IGFL3: variants seen among roughly 807,000 people sequenced by gnomAD.
IGFL3 encodes insulin growth factor-like family member 3.
A neutral mutation model predicts 17.0 loss-of-function variants in IGFL3; 12 were observed. That is an observed-to-expected ratio of 0.71 (90% CI 0.45 to 1.14). The LOEUF (loss-of-function observed/expected upper bound fraction) is 1.14. IGFL3 is among the 50% of genes most tolerant of loss of function. The pLI is 0.00. For synonymous variants in IGFL3, 52 were observed against 57.4 expected (o/e 0.91, Z 0.42); for missense variants, 153 against 151.6 (o/e 1.01, Z -0.05).
At chr19:46,123,434 A>C (rs1971892850) in intron 3 of IGFL3, among the ~76,000 whole-genome samples, 1 of 151,184 alleles carries the variant, frequency 6.6e-6, no homozygotes, top group Non-Finnish European at 1.5e-5. Flanking sequence ...TAAAGTAAGG[A>C]AAAAATTATA....
At position 46,122,913 on chromosome 19, in the gene IGFL3, T is replaced by A. The variant is rs1971854349; in HGVS notation, c.350+973A>T. ...AAAATGTAATCTTCCAAGGGTTTGT[T>A]TAGCTCACTATCCAGACTGCTAGGG... On this transcript the variant is annotated intron_variant, in intron 3 of 3. Coordinates refer to ENST00000341415, the MANE Select transcript of IGFL3 (RefSeq NM_207393.2). Among the ~76,000 whole-genome samples the A allele has an allele frequency of 1.3e-5, 2 of 150,776 alleles. 1 individual carries two copies. The highest frequency in any genetic ancestry group is 2.9e-5 in the Non-Finnish European group (2 of 67,936).
At position 46,120,371 on chromosome 19, in the gene IGFL3, C is replaced by G. The variant is rs761494871; in HGVS notation, c.351-14G>C. ...TGCCTCCTGTTCCTATCACAGTGCC[C>G]CAAATCAAAGTGTCTTAACAACATA... On this transcript the variant is annotated splice_polypyrimidine_tract_variant and intron_variant, in intron 3 of 3. Transcript: ENST00000341415. 1 of 1,610,552 alleles carries G rather than the reference C, an allele frequency of 6.2e-7. No homozygotes were observed. The highest frequency in any genetic ancestry group is 1.7e-5 in the Admixed American group (1 of 59,558).
At chr19:46,124,178 G>A in intron 2 of IGFL3, 22 bp from the exon 3 acceptor site, 3 of 1,610,282 alleles carry the variant, frequency 1.9e-6, no homozygotes, top group Non-Finnish European at 2.5e-6. Context: ...CATTGATGGT[G>A]TACATCCAAG....
Position 46,124,378 on chromosome 19 carries a change from A to AAAAC in IGFL3, c.26-61_26-58dup, listed in dbSNP as rs552018028. ...AGCTGAGAATGTGACAAGTATGGAA[A>AAAAC]AAACAAACAAACAAACAAACAGAGG... On this transcript the variant is annotated intron_variant, in intron 1 of 3. Transcript: ENST00000341415. The AAAAC allele has an allele frequency of 4.4e-4, 666 of 1,525,146 alleles. 25 individuals carry two copies. The highest frequency in any genetic ancestry group is 4.1e-3 in the African/African-American group (295 of 71,284). 94.5% of individuals were successfully genotyped at this position (1,525,146 alleles called of 1,614,324 possible).
intron 3 of IGFL3, among the ~76,000 whole-genome samples, chr19:46,122,465 A>C (rs1158125431): frequency 1.3e-5 from 2 of 151,016 alleles, no homozygotes; most frequent in Admixed American, 1.3e-4. Flanking sequence ...ACAGATAATA[A>C]ATGTTAATAA....
intron 3 of IGFL3, among the ~76,000 whole-genome samples, chr19:46,120,690 A>G (rs1971711882): frequency 6.6e-6 from 1 of 151,188 alleles, no homozygotes; most frequent in Non-Finnish European, 1.5e-5. Context: ...AGTTTGGGAT[A>G]TGAATGAGAA....
chr19:46,120,357 C>A lies in IGFL3; in HGVS notation c.351G>T (p.Arg117Ser). 2.5e-6 allele frequency: 4 copies of A among 1,611,002 alleles called. No homozygotes were observed. Among genetic ancestry groups the A allele is most frequent in the Non-Finnish European group, 2.5e-6 (3 of 1,179,562 alleles). ...HLSPISRSCTRNRRHVLYP is the reference protein window; with the variant it reads ...HLSPISRSCTSNRRHVLYP ...ATGGGTACAGGACGTGCCTCCTGTT[C>A]CTATCACAGTGCCCCAAATCAAAGT... Residue 117 changes from arginine (R) to serine (S), a missense_variant and splice_region_variant, in exon 4 of 4, where the codon AGG becomes AGT. Coordinates refer to ENST00000341415, the MANE Select transcript of IGFL3 (RefSeq NM_207393.2).
Position 46,123,947 on chromosome 19 carries a change from A to G in IGFL3, c.289T>C (p.Leu97=), listed in dbSNP as rs779081670. The G allele has an allele frequency of 1.9e-6, 3 of 1,611,476 alleles. No homozygotes were observed. The highest frequency in any genetic ancestry group is 2.5e-6 in the Non-Finnish European group (3 of 1,179,654). ...FGPQQKFLVK[L]RVLGMKSQCH... ...TGAGACTTCATACCCAGAACCCTCA[A>G]CTTCACAAGAAACTTCTGCTGGGGG... Residue 97 remains leucine, a synonymous_variant, in exon 3 of 4, where the codon TTG becomes CTG. Coordinates refer to ENST00000341415, the MANE Select transcript of IGFL3 (RefSeq NM_207393.2).
At chr19:46,121,394 GAAA>G (rs113082923) in intron 3 of IGFL3, among the ~76,000 whole-genome samples, 3 of 124,424 alleles carry the variant, frequency 2.4e-5, no homozygotes, top group South Asian at 2.7e-4. Context: ...ATCCTGTCTT[GAAA>G]AAAAAAAAAA....
intron 3 of IGFL3, among the ~76,000 whole-genome samples, chr19:46,122,831 A>G (rs1473831978): frequency 6.0e-5 from 9 of 150,852 alleles, no homozygotes. Context: ...GTAAGATTGT[A>G]AAGGTGGGAG....
Position 46,124,620 on chromosome 19 carries a change from C to A in IGFL3, c.25+5G>T. 3.7e-6 allele frequency: 6 copies of A among 1,608,034 alleles called. No homozygotes were observed. The highest frequency in any genetic ancestry group is 5.1e-6 in the Non-Finnish European group (6 of 1,176,852). ...GATGATGTTTGGATTTGGGGTCCTA[C>A]TTGCCCAAGATGCAGCATCGTGGCC... is the stretch of plus-strand genomic sequence containing the variant. On this transcript the variant is annotated splice_donor_5th_base_variant and intron_variant, in intron 1 of 3. Coordinates refer to ENST00000341415, the MANE Select transcript of IGFL3 (RefSeq NM_207393.2).
intron 2 of IGFL3, 46 bp from the exon 3 acceptor site, chr19:46,124,202 T>A: frequency 6.2e-7 from 1 of 1,609,542 alleles, no homozygotes; most frequent in Non-Finnish European, 8.5e-7. Context: ...GAACAGATAC[T>A]CAATTCCCAG....
At chr19:46,121,702 T>C (rs1971783058) in intron 3 of IGFL3, among the ~76,000 whole-genome samples, 1 of 150,844 alleles carries the variant, frequency 6.6e-6, no homozygotes, top group Non-Finnish European at 1.5e-5. Context: ...AAGGCAGATT[T>C]TTTAGAAAAT....
At chr19:46,123,035 C>T (rs1485603549) in intron 3 of IGFL3, among the ~76,000 whole-genome samples, 1 of 150,962 alleles carries the variant, frequency 6.6e-6, no homozygotes, top group Non-Finnish European at 1.5e-5. Context: ...ATGACCTCAA[C>T]TTGAAACATT....
intron 3 of IGFL3, among the ~76,000 whole-genome samples, chr19:46,121,509 AGAG>A (rs1971767600): frequency 6.6e-6 from 1 of 150,500 alleles, no homozygotes; most frequent in Non-Finnish European, 1.5e-5. Flanking sequence ...CAGCCCACTG[AGAG>A]GAGTAGTATT....
rs758214864 is a variant in IGFL3, at chr19:46,124,631, T to C, written c.19A>G (p.Ile7Val). 7 of 1,609,218 alleles carry C rather than the reference T, an allele frequency of 4.3e-6. No individual in the cohort carries two copies. The East Asian group carries it at 1.1e-4, about 26-fold the overall frequency. MRPRCC[I>V]LALVCWITVF... Reference sequence around the variant, plus strand: ...GATTTGGGGTCCTACTTGCCCAAGATGCAGCATCGTGGCCTCATGCTTCCA... The same window carrying C: ...GATTTGGGGTCCTACTTGCCCAAGACGCAGCATCGTGGCCTCATGCTTCCA... The change falls in exon 1 of 4, where the codon ATC becomes GTC. Residue 7 changes from isoleucine (I) to valine (V), a missense_variant. Physicochemically the swap from Ile to Val is conservative, Grantham distance 29. Transcript: ENST00000341415.
intron 3 of IGFL3, among the ~76,000 whole-genome samples, chr19:46,121,813 G>T (rs1250871562): frequency 6.6e-6 from 1 of 151,010 alleles, no homozygotes; most frequent in Non-Finnish European, 1.5e-5. Flanking sequence ...AGAGACAAAG[G>T]CTTGCTGGGG....
At chr19:46,123,708 C>T (rs1369006605) in intron 3 of IGFL3, among the ~76,000 whole-genome samples, 178 bp downstream of exon 3, 5 of 150,932 alleles carry the variant, frequency 3.3e-5, no homozygotes, top group African/African-American at 7.4e-5. Flanking sequence ...TGTTTGTCCT[C>T]GACCATGAAG....
Position 46,120,152 on chromosome 19 carries a change from A to G in IGFL3, c.*178T>C. 6 of 770,178 alleles carry G rather than the reference A, an allele frequency of 7.8e-6. No individual in the cohort carries two copies. The South Asian group carries it at 1.0e-4, about 13-fold the overall frequency. The allele number at this position is 770,178 out of a possible 1,614,324, so 47.7% of individuals were successfully genotyped here. A position where few individuals can be genotyped will look rare whatever the true frequency, so the allele number is the denominator to read the frequency against. On this transcript the variant is annotated 3_prime_UTR_variant, in exon 4 of 4. Transcript: ENST00000341415. ...GAGCTGGAAAGGGGATGAAGCAGGAAGGCATTCTTCCCCTGAAGTCTGGCC... is the reference window on the plus strand; with the variant it reads ...GAGCTGGAAAGGGGATGAAGCAGGAGGGCATTCTTCCCCTGAAGTCTGGCC...
Sources: allele counts gnomAD v4.1 joint callset (sites outside exome capture counted in the v4.1 genomes callset), GRCh38; gene constraint gnomAD v4.1.1; transcripts MANE v1.5; gene names NCBI Gene and HGNC (gene_info 2026-07-23, HGNC 2026-07-21).